The following EXTL3 variants were observed in gnomAD, a reference collection of about 807,000 sequenced individuals.
EXTL3 encodes the protein exostosin like glycosyltransferase 3, also known as exostosin-like 3.
Under a neutral mutation model 69.3 loss-of-function variants are expected in EXTL3, and 27 were observed. That is an observed-to-expected ratio of 0.39 (90% confidence interval 0.29 to 0.54). The LOEUF (loss-of-function observed/expected upper bound fraction) is 0.54. Ranked by LOEUF, EXTL3 falls within the 20% of genes least tolerant of loss-of-function variation. The pLI, the probability that EXTL3 is intolerant of heterozygous loss-of-function variation, is 0.69. For synonymous variants in EXTL3, 511 were observed against 499.4 expected (o/e 1.02, Z -0.31); for missense variants, 1,003 against 1,231.8 (o/e 0.81, Z 2.78).
At chr8:28,624,824 A>C (rs1232772527) in intron 1 of EXTL3, among the ~76,000 whole-genome samples, 2 of 152,206 alleles carry the variant, frequency 1.3e-5, no homozygotes, top group Non-Finnish European at 2.9e-5. Context: ...TGCAAACATC[A>C]GTAAACCCAA....
At chr8:28,724,635 A>G (rs1801371971) in intron 3 of EXTL3, among the ~76,000 whole-genome samples, 2 of 151,738 alleles carry the variant, frequency 1.3e-5, no homozygotes, top group South Asian at 2.1e-4. Context: ...GAAAAAAAGA[A>G]AAAAAAATAC....
At chr8:28,643,418 C>CTTT (rs1395744351) in intron 1 of EXTL3, among the ~76,000 whole-genome samples, 1 of 100,258 alleles carries the variant, frequency 1.0e-5, no homozygotes, top group East Asian at 2.8e-4. Flanking sequence ...CTTTTTTTTT[C>CTTT]TTTTTTTCTT....
chr8:28,713,199 G>T (rs1801066835), intron 1 of EXTL3, among the ~76,000 whole-genome samples: 1 of 152,148 alleles, frequency 6.6e-6, no homozygotes. Flanking sequence ...ACATAAATAG[G>T]TAACGTCTGT....
intron 1 of EXTL3, among the ~76,000 whole-genome samples, chr8:28,672,677 A>G (rs1226006412): frequency 6.6e-6 from 1 of 152,152 alleles, no homozygotes; most frequent in Non-Finnish European, 1.5e-5. Context: ...GTAACAAGCC[A>G]CCCAGGTGAC....
intron 1 of EXTL3, among the ~76,000 whole-genome samples, chr8:28,656,831 A>G (rs1360177123): frequency 1.3e-5 from 2 of 152,180 alleles, no homozygotes; most frequent in Non-Finnish European, 2.9e-5. Flanking sequence ...ATTGATGAAG[A>G]CTAAAAAATT....
chr8:28,667,857 A>T (rs1807220447), intron 1 of EXTL3, among the ~76,000 whole-genome samples: 1 of 150,132 alleles, frequency 6.7e-6, no homozygotes, highest in Non-Finnish European at 1.5e-5. Context: ...AAATTAAAGT[A>T]TAAAAAAAAA....
intron 1 of EXTL3, among the ~76,000 whole-genome samples, chr8:28,651,916 T>C (rs1806926812): frequency 6.6e-6 from 1 of 152,202 alleles, no homozygotes; most frequent in South Asian, 2.1e-4. Flanking sequence ...TGTGGAATCA[T>C]ACAGTATGGT....
rs777054363 is a variant in EXTL3 at position 28,743,203 on chromosome 8, C to T, written c.2539C>T (p.Pro847Ser). ...NFLVSHITRK[P>S]PIKVTSRWTF... ...CCTTGTCTCCCACATCACTCGGAAG[C>T]CCCCCATCAAGGTGAGGTCCCACCA... The change falls in exon 6 of 7, where the codon CCC becomes TCC. Residue 847 changes from proline (P) to serine (S), a missense_variant. Coordinates refer to ENST00000220562, the MANE Select transcript of EXTL3 (RefSeq NM_001440.4). 22 of 1,614,176 alleles carry T rather than the reference C, an allele frequency of 1.4e-5. No individual in the cohort carries two copies. The highest frequency in any genetic ancestry group is 1.9e-5 in the Non-Finnish European group (22 of 1,179,998).
At position 28,657,910 on chromosome 8, in the gene EXTL3, C is replaced by T. The variant is rs77190489; in HGVS notation, c.-53+35100C>T. Among the ~76,000 whole-genome samples the T allele has an allele frequency of 1.7e-3, 262 of 152,294 alleles. 4 individuals carry two copies. The highest frequency in any genetic ancestry group is 5.5e-3 in the African/African-American group (228 of 41,560). On this transcript the variant is annotated intron_variant, in intron 1 of 6. Coordinates refer to the EXTL3 transcript ENST00000523149. ...CTCCCTTAATAGAGGTTTACTTAAT[C>T]GACCTTCCCTTCCTCTTTCTGCCTT...
chr8:28,676,189 C>T (rs140579401), intron 1 of EXTL3, among the ~76,000 whole-genome samples: 10 of 151,986 alleles, frequency 6.6e-5, no homozygotes, highest in Non-Finnish European at 2.9e-5. Context: ...CTGGCAGTTA[C>T]AGTGCAATTG....
chr8:28,724,171 G>T (rs1801359853), intron 3 of EXTL3, among the ~76,000 whole-genome samples: 1 of 151,990 alleles, frequency 6.6e-6, no homozygotes, highest in Non-Finnish European at 1.5e-5. Context: ...CAGTTTTTGG[G>T]CATTTTCTGT....
At chr8:28,744,814 A>G (rs1801855127) in intron 6 of EXTL3, among the ~76,000 whole-genome samples, 1 of 149,446 alleles carries the variant, frequency 6.7e-6, no homozygotes, top group African/African-American at 2.5e-5. Flanking sequence ...AAATACACAC[A>G]CACGCACACA....
intron 1 of EXTL3, chr8:28,686,136 G>C (rs1312750409): frequency 1.3e-5 from 2 of 152,096 alleles, no homozygotes; most frequent in Admixed American, 1.3e-4. Flanking sequence ...AAAGTGCTGG[G>C]ATTACAGGCG....
intron 1 of EXTL3, among the ~76,000 whole-genome samples, chr8:28,629,406 GAGTT>G (rs1171581473): frequency 2.7e-5 from 4 of 150,552 alleles, no homozygotes; most frequent in African/African-American, 5.0e-5. Context: ...ACGTTAGAGT[GAGTT>G]AGTTCATTCA....
chr8:28,737,451 A>C, intron 4 of EXTL3, 68 bp from the exon 5 acceptor site: 2 of 1,564,408 alleles, frequency 1.3e-6, no homozygotes, highest in East Asian at 2.2e-5. Flanking sequence ...GGAGGCAATA[A>C]CTGTGAACAC....
chr8:28,616,785 G>T (rs1044038991), intron 2 of EXTL3, among the ~76,000 whole-genome samples: 1 of 152,176 alleles, frequency 6.6e-6, no homozygotes, highest in African/African-American at 2.4e-5. Flanking sequence ...GTGCATCAGG[G>T]TTCCCAGGAA....
intron 1 of EXTL3, among the ~76,000 whole-genome samples, chr8:28,706,771 A>G (rs962624546): frequency 6.6e-6 from 1 of 151,846 alleles, no homozygotes. Flanking sequence ...TCCGTTGACC[A>G]CTGTTGATTG....
At chr8:28,699,932 G>C (rs888370163), upstream of EXTL3, 1 of 152,200 alleles carries the variant, frequency 6.6e-6, no homozygotes. Context: ...CCAGTGTGGA[G>C]ATGAACCAAG....
chr8:28,609,625 C>G (rs1053319121), intron 2 of EXTL3, among the ~76,000 whole-genome samples: 3 of 152,058 alleles, frequency 2.0e-5, no homozygotes, highest in Admixed American at 2.0e-4. Context: ...GTAGCTCATA[C>G]GTGGAATCCC....
Sources: allele counts gnomAD v4.1 joint callset (sites outside exome capture counted in the v4.1 genomes callset), GRCh38; gene constraint gnomAD v4.1.1; transcripts MANE v1.5; gene names NCBI Gene and HGNC (gene_info 2026-07-23, HGNC 2026-07-21).